Variants in NPFFR2 observed in about 807,000 individuals in gnomAD.
NPFFR2 encodes the protein neuropeptide FF receptor 2.
Under a neutral mutation model 13.1 loss-of-function variants are expected in NPFFR2, and 15 were observed. The ratio of observed to expected loss-of-function variants is 1.15; its 90% confidence interval spans 0.77 to 1.76. The LOEUF is 1.76. Among genes scored for constraint, NPFFR2 ranks in the 40% most tolerant of loss-of-function variants. NPFFR2 has a pLI of 0.00. For synonymous variants in NPFFR2, 190 were observed against 175.7 expected, an observed-to-expected ratio of 1.08 and a Z score of -0.65; for missense variants, 572 against 503.5, an observed-to-expected ratio of 1.14 and a Z score of -1.30.
intron 1 of NPFFR2, among the ~76,000 whole-genome samples, chr4:72,035,502 C>CT (rs888499356): frequency 6.6e-6 from 1 of 152,036 alleles, no homozygotes; most frequent in Non-Finnish European, 1.5e-5. Context: ...GTTTAGCCCC[C>CT]CCTAAAAAAG....
intron 2 of NPFFR2, among the ~76,000 whole-genome samples, chr4:72,133,841 T>G (rs575791886): frequency 6.6e-5 from 10 of 152,312 alleles, no homozygotes; most frequent in African/African-American, 2.2e-4. Context: ...TGCCAGTGAT[T>G]TTTGTACATT....
chr4:72,048,713 T>C (rs1377358826), intron 1 of NPFFR2, among the ~76,000 whole-genome samples: 3 of 147,772 alleles, frequency 2.0e-5, no homozygotes, highest in Admixed American at 1.4e-4. Flanking sequence ...ACTTTGGTAA[T>C]GTGGTCAAAA....
rs147573462 is a variant in NPFFR2 at position 72,052,849 on chromosome 4, A to G, written c.-8+20649A>G. Among the ~76,000 whole-genome samples, 854 of 152,082 alleles carry G rather than the reference A, an allele frequency of 5.6e-3. 5 individuals carry two copies. Among genetic ancestry groups the G allele is most frequent in the African/African-American group, 0.02 (822 of 41,538 alleles). ...AAAATCTTGCTCTTTACAATCGCTT[A>G]TCTTAAGCAGACACTCCTTTCTATT... On this transcript the variant is annotated intron_variant, in intron 1 of 3. Transcript: ENST00000308744.
intron 1 of NPFFR2, among the ~76,000 whole-genome samples, chr4:72,036,580 A>G (rs1031685764): frequency 2.7e-5 from 4 of 148,072 alleles, no homozygotes; most frequent in African/African-American, 9.8e-5. Flanking sequence ...TTAAATATAT[A>G]GTATATATAA....
rs980813155 is a variant in NPFFR2, at chr4:72,039,383, C to T, written c.-8+7183C>T. The T allele has an allele frequency of 2.2e-5, 22 of 984,962 alleles. No homozygotes were observed. In the African/African-American group the frequency reaches 3.7e-4, roughly 16 times the overall value. The allele number at this position is 984,962 out of a possible 1,614,324, so 61.0% of individuals were successfully genotyped here. A position where few individuals can be genotyped will look rare whatever the true frequency, so the allele number is the denominator to read the frequency against. ...AATTTCCTTTCTTAGTTGCCTCTGCCCACCTCTTCTCTTCTGCTTCCATAT... is the reference window on the plus strand; with the variant it reads ...AATTTCCTTTCTTAGTTGCCTCTGCTCACCTCTTCTCTTCTGCTTCCATAT... On this transcript the variant is annotated intron_variant, in intron 1 of 3. Transcript: ENST00000308744.
At position 72,069,017 on chromosome 4, in the gene NPFFR2, C is replaced by CTGCTATGTAGATCAGTA. The variant is rs773720221; in HGVS notation, c.-8+36826_-8+36827insGATCAGTATGCTATGTA. 4.9e-5 allele frequency: 57 copies of CTGCTATGTAGATCAGTA among 1,172,548 alleles called. No homozygotes were observed. In the East Asian group the frequency reaches 1.5e-3, roughly 31 times the overall value. 72.6% of individuals were successfully genotyped at this position (1,172,548 alleles called of 1,614,324 possible). On this transcript the variant is annotated intron_variant, in intron 1 of 3. Transcript: ENST00000308744. ...AAGAGTGAAGCATGTAGATCAGTGACTGCTATGTAAGTATTCTAATATTAT... is the reference window on the plus strand; with the variant it reads ...AAGAGTGAAGCATGTAGATCAGTGACTGCTATGTAGATCAGTATGCTATGTAAGTATTCTAATATTAT...
At chr4:72,118,795 C>A (rs2109825679) in intron 1 of NPFFR2, among the ~76,000 whole-genome samples, 1 of 152,184 alleles carries the variant, frequency 6.6e-6, no homozygotes, top group South Asian at 2.1e-4. Flanking sequence ...CTGGTCTCTA[C>A]TTTCACAGAA....
intron 1 of NPFFR2, among the ~76,000 whole-genome samples, chr4:72,098,903 G>A (rs1721147196): frequency 6.6e-6 from 1 of 152,144 alleles, no homozygotes; most frequent in African/African-American, 2.4e-5. Context: ...CTATTACTCT[G>A]TATTGGTTCA....
chr4:72,073,652 G>T (rs1180927465), intron 1 of NPFFR2, among the ~76,000 whole-genome samples: 1 of 151,820 alleles, frequency 6.6e-6, no homozygotes, highest in Non-Finnish European at 1.5e-5. Flanking sequence ...CTACATAATG[G>T]TAGAGATGAA....
At chr4:72,100,576 A>G (rs1721213257) in intron 1 of NPFFR2, among the ~76,000 whole-genome samples, 1 of 152,080 alleles carries the variant, frequency 6.6e-6, no homozygotes, top group Non-Finnish European at 1.5e-5. Context: ...TACTAGTACT[A>G]TTATCAGTTT....
intron 2 of NPFFR2, among the ~76,000 whole-genome samples, chr4:72,136,225 G>A (rs1485797560): frequency 6.6e-6 from 1 of 152,092 alleles, no homozygotes; most frequent in Non-Finnish European, 1.5e-5. Flanking sequence ...TGGTGTGGTG[G>A]ACTGCACCTG....
In NPFFR2 at chr4:72,127,524, C is replaced by T. The variant is rs537221058; in HGVS notation, c.-7-1061C>T. ...GACCACAGGCGCCCGCCACCACGCCCGGCTAATTTTTTGTATTTTTAGTAG... is the reference window on the plus strand; with the variant it reads ...GACCACAGGCGCCCGCCACCACGCCTGGCTAATTTTTTGTATTTTTAGTAG... On this transcript the variant is annotated intron_variant, in intron 1 of 3. Coordinates refer to ENST00000308744, the MANE Select transcript of NPFFR2 (RefSeq NM_004885.3). 7.8e-3 allele frequency among the ~76,000 whole-genome samples: 1,073 copies of T among 137,198 alleles called. 2 individuals are homozygous for T. Among genetic ancestry groups the T allele is most frequent in the Non-Finnish European group, 0.012 (758 of 63,240 alleles). 90.0% of individuals were successfully genotyped at this position (137,198 alleles called of 152,430 possible).
At chr4:72,123,077 C>A (rs1410816180) in intron 1 of NPFFR2, among the ~76,000 whole-genome samples, 2 of 152,032 alleles carry the variant, frequency 1.3e-5, no homozygotes, top group Non-Finnish European at 2.9e-5. Flanking sequence ...GGGATATCAT[C>A]ACTGATTATC....
intron 2 of NPFFR2, among the ~76,000 whole-genome samples, chr4:72,131,472 G>A (rs1218839995): frequency 2.0e-5 from 3 of 148,546 alleles, no homozygotes; most frequent in Non-Finnish European, 4.5e-5. Context: ...GGGAGGGATA[G>A]CACTAGGAGA....
chr4:72,079,486 A>G (rs769065271), intron 1 of NPFFR2, among the ~76,000 whole-genome samples: 4 of 152,216 alleles, frequency 2.6e-5, no homozygotes, highest in Non-Finnish European at 4.4e-5. Context: ...AAGAAATAAG[A>G]ACATGATACC....
intron 1 of NPFFR2, among the ~76,000 whole-genome samples, chr4:72,052,800 C>T (rs969585187): frequency 2.0e-5 from 3 of 152,010 alleles, no homozygotes; most frequent in Non-Finnish European, 2.9e-5. Flanking sequence ...AAGCCTGCTA[C>T]CTGGAGGCTT....
At chr4:72,096,192 C>T (rs1447390950) in intron 1 of NPFFR2, among the ~76,000 whole-genome samples, 2 of 152,014 alleles carry the variant, frequency 1.3e-5, no homozygotes, top group Non-Finnish European at 2.9e-5. Context: ...GATGGTGAAA[C>T]CTTGATAAAA....
At chr4:72,062,704 T>C (rs1461303380) in intron 1 of NPFFR2, among the ~76,000 whole-genome samples, 2 of 152,206 alleles carry the variant, frequency 1.3e-5, no homozygotes. Context: ...GGCTTTGTGA[T>C]TCTTTCTTGC....
At chr4:72,083,236 T>C (rs1720681271) in intron 1 of NPFFR2, among the ~76,000 whole-genome samples, 1 of 149,794 alleles carries the variant, frequency 6.7e-6, no homozygotes, top group Non-Finnish European at 1.5e-5. Context: ...CATATGGTCA[T>C]TCTATTTTTC....
Sources: allele counts gnomAD v4.1 joint callset (sites outside exome capture counted in the v4.1 genomes callset), GRCh38; gene constraint gnomAD v4.1.1; transcripts MANE v1.5; gene names NCBI Gene and HGNC (gene_info 2026-07-23, HGNC 2026-07-21).